RFX3: variants seen among roughly 807,000 people sequenced by gnomAD.
The protein encoded by RFX3 is transcription factor RFX3.
Under a neutral mutation model 98.6 loss-of-function variants are expected in RFX3, and 14 were observed. The ratio of observed to expected loss-of-function variants is 0.14; its 90% CI spans 0.09 to 0.22. The LOEUF (loss-of-function observed/expected upper bound fraction) is 0.22. Ranked by LOEUF, RFX3 falls within the 10% of genes least tolerant of loss-of-function variation. RFX3 has a pLI of 1.00. For missense variants in RFX3, 639 were observed against 926.9 expected, an observed-to-expected ratio of 0.69 and a Z score of 4.03; for synonymous variants, 383 against 328.4, an observed-to-expected ratio of 1.17 and a Z score of -1.80.
At chr9:3,236,002 A>G (rs953364085) in intron 15 of RFX3, among the ~76,000 whole-genome samples, 2 of 152,184 alleles carry the variant, frequency 1.3e-5, no homozygotes, top group South Asian at 2.1e-4. Context: ...GAGTGAAACC[A>G]TATGACTTTT....
intron 4 of RFX3, among the ~76,000 whole-genome samples, chr9:3,311,386 T>C (rs995999260): frequency 3.9e-5 from 6 of 152,234 alleles, no homozygotes; most frequent in East Asian, 1.9e-4. Context: ...CATCAGCATG[T>C]AGCCACCACT....
intron 7 of RFX3, among the ~76,000 whole-genome samples, chr9:3,285,894 G>A (rs541675645): frequency 2.5e-4 from 38 of 151,672 alleles, no homozygotes; most frequent in Non-Finnish European, 5.2e-4. Flanking sequence ...AATCTTTATA[G>A]AATCTGTTTC....
At chr9:3,300,666 G>A (rs141160082) in intron 5 of RFX3, among the ~76,000 whole-genome samples, 27 of 151,728 alleles carry the variant, frequency 1.8e-4, no homozygotes, top group Non-Finnish European at 3.2e-4. Context: ...TCAGTTGTGG[G>A]AGAAAATTCT....
At chr9:3,483,661 A>G (rs549275145) in intron 1 of RFX3, among the ~76,000 whole-genome samples, 1 of 152,322 alleles carries the variant, frequency 6.6e-6, no homozygotes, top group Non-Finnish European at 1.5e-5. Flanking sequence ...ATAGATATCC[A>G]GGTATATGCT....
chr9:3,379,659 C>G (rs1248661155), intron 2 of RFX3, among the ~76,000 whole-genome samples: 1 of 152,004 alleles, frequency 6.6e-6, no homozygotes, highest in East Asian at 1.9e-4. Flanking sequence ...TCTAAATAAG[C>G]ACATACACCT....
chr9:3,323,252 T>C (rs1831515347), intron 4 of RFX3, among the ~76,000 whole-genome samples: 1 of 152,164 alleles, frequency 6.6e-6, no homozygotes, highest in African/African-American at 2.4e-5. Flanking sequence ...CAATTGGTCA[T>C]AGGCACTGTG....
chr9:3,390,737 C>A (rs9298954), intron 2 of RFX3, among the ~76,000 whole-genome samples: 18 of 152,064 alleles, frequency 1.2e-4, no homozygotes, highest in African/African-American at 4.3e-4. Flanking sequence ...TGCTGCCACC[C>A]GTGTAAGACA....
At chr9:3,504,200 T>C (rs1006298503) in intron 1 of RFX3, among the ~76,000 whole-genome samples, 3 of 133,344 alleles carry the variant, frequency 2.2e-5, no homozygotes, top group Middle Eastern at 3.5e-3. Context: ...ATATTATATA[T>C]ATTATATATA....
chr9:3,498,328 T>C (rs569618619), intron 1 of RFX3, among the ~76,000 whole-genome samples: 3 of 152,200 alleles, frequency 2.0e-5, no homozygotes, highest in South Asian at 4.1e-4. Context: ...AAAAATGTTG[T>C]TCATGTACAG....
chr9:3,352,460 T>C (rs540692818), intron 2 of RFX3, among the ~76,000 whole-genome samples: 13 of 152,128 alleles, frequency 8.5e-5, no homozygotes, highest in African/African-American at 2.6e-4. Context: ...TAAATTAATA[T>C]ATTACATACA....
intron 1 of RFX3, among the ~76,000 whole-genome samples, chr9:3,430,549 T>C (rs918644662): frequency 6.6e-6 from 1 of 152,220 alleles, no homozygotes; most frequent in African/African-American, 2.4e-5. Flanking sequence ...ACTATTGTTA[T>C]CCTTTTATTT....
At chr9:3,253,288 C>T (rs113728428) in intron 14 of RFX3, among the ~76,000 whole-genome samples, 27 of 152,188 alleles carry the variant, frequency 1.8e-4, no homozygotes, top group African/African-American at 6.5e-4. Context: ...TGTGAACTCA[C>T]TCTTTGAAAA....
chr9:3,423,661 G>A (rs1027751554), intron 1 of RFX3, among the ~76,000 whole-genome samples: 2 of 151,432 alleles, frequency 1.3e-5, no homozygotes, highest in Non-Finnish European at 2.9e-5. Context: ...GGAGCTTCGG[G>A]AAGTATAAAA....
At chr9:3,340,695 C>T (rs1203999466) in intron 3 of RFX3, among the ~76,000 whole-genome samples, 1 of 152,134 alleles carries the variant, frequency 6.6e-6, no homozygotes, top group Non-Finnish European at 1.5e-5. Flanking sequence ...AAATCAAAAC[C>T]ACAATGAGAT....
intron 3 of RFX3, among the ~76,000 whole-genome samples, chr9:3,339,702 G>C (rs1366745531): frequency 6.6e-6 from 1 of 152,104 alleles, no homozygotes; most frequent in Non-Finnish European, 1.5e-5. Context: ...ACATTCTAGT[G>C]GGGGAGAGAC....
At chr9:3,396,546 G>T (rs1840900317) in intron 1 of RFX3, among the ~76,000 whole-genome samples, 1 of 152,138 alleles carries the variant, frequency 6.6e-6, no homozygotes, top group South Asian at 2.1e-4. Flanking sequence ...AATCCTTTGG[G>T]TATATACCCA....
intron 1 of RFX3, among the ~76,000 whole-genome samples, chr9:3,400,530 A>T (rs7862591): frequency 0.1 from 15,822 of 152,212 alleles, 2,259 homozygotes; most frequent in African/African-American, 0.32. Flanking sequence ...GGCTCTTGGA[A>T]TATAGGGTCA....
At chr9:3,305,526 GA>G in intron 4 of RFX3, among the ~76,000 whole-genome samples, 1 of 152,122 alleles carries the variant, frequency 6.6e-6, no homozygotes, top group East Asian at 1.9e-4. Context: ...GTGGGAAAGT[GA>G]GGGTGAGGAA....
intron 1 of RFX3, among the ~76,000 whole-genome samples, chr9:3,511,690 C>T (rs1817678421): frequency 6.6e-6 from 1 of 152,020 alleles, no homozygotes; most frequent in Non-Finnish European, 1.5e-5. Flanking sequence ...AAAAGAATGG[C>T]AGACAAAAGA....
Sources: allele counts gnomAD v4.1 joint callset (sites outside exome capture counted in the v4.1 genomes callset), GRCh38; gene constraint gnomAD v4.1.1; transcripts MANE v1.5; gene names NCBI Gene and HGNC (gene_info 2026-07-23, HGNC 2026-07-21).